Variants in SLC6A3 observed in about 807,000 individuals in gnomAD.
SLC6A3 encodes the protein solute carrier family 6 member 3.
SLC6A3 carries 19 observed loss-of-function variants against 70.4 expected under a neutral mutation model. The observed-to-expected ratio is 0.27, with a 90% CI of 0.19 to 0.40. The LOEUF (loss-of-function observed/expected upper bound fraction) is 0.40. Ranked by LOEUF, SLC6A3 falls within the 10% of genes least tolerant of loss-of-function variation. The pLI is 1.00. For synonymous variants in SLC6A3, 368 were observed against 356.6 expected, an observed-to-expected ratio of 1.03 and a Z score of -0.36; for missense variants, 613 against 838.5, an observed-to-expected ratio of 0.73 and a Z score of 3.32.
Position 1,438,111 on chromosome 5 carries a change from G to A in SLC6A3, c.418+3248C>T, listed in dbSNP as rs1399132719. 6.6e-6 allele frequency among the ~76,000 whole-genome samples: 1 copy of A among 152,202 alleles called. No homozygotes were observed. On this transcript the variant is annotated intron_variant, in intron 3 of 14. Coordinates refer to ENST00000270349, the MANE Select transcript of SLC6A3 (RefSeq NM_001044.5). This position sits in a 1 kb window ranked among gnomAD's most constrained non-coding sequence, Gnocchi z 6.5. ...GAGATTCAACAACTCAAGGTGTCTCGTCTCTAAAAAGAAGTCCAGCTTTCT... is the reference window on the plus strand; with the variant it reads ...GAGATTCAACAACTCAAGGTGTCTCATCTCTAAAAAGAAGTCCAGCTTTCT...
intron 8 of SLC6A3, among the ~76,000 whole-genome samples, chr5:1,414,018 C>T (rs558461416): frequency 4.5e-4 from 69 of 152,330 alleles, no homozygotes; most frequent in East Asian, 1.3e-3. Flanking sequence ...CAACTCCAGG[C>T]GTGCAGGGAC....
chr5:1,410,426 A>T (rs1325448484), intron 9 of SLC6A3, among the ~76,000 whole-genome samples: 2 of 152,114 alleles, frequency 1.3e-5, no homozygotes, highest in South Asian at 2.1e-4. Flanking sequence ...GGTGGATAGG[A>T]TATGAGTGGG....
intron 5 of SLC6A3, 144 bp from the exon 6 acceptor site, chr5:1,420,847 C>T: frequency 1.2e-6 from 1 of 827,378 alleles, no homozygotes; most frequent in South Asian, 1.4e-5. Context: ...GACGCCAGCT[C>T]AGCAAATGCT....
Position 1,413,107 on chromosome 5 carries a change from G to A in SLC6A3, c.1156+1584C>T, listed in dbSNP as rs1756166815. Among the ~76,000 whole-genome samples the A allele has an allele frequency of 6.6e-6, 1 of 152,228 alleles. No individual in the cohort carries two copies. Among genetic ancestry groups the A allele is most frequent in the Non-Finnish European group, 1.5e-5 (1 of 68,038 alleles). On this transcript the variant is annotated intron_variant, in intron 8 of 14. Transcript: ENST00000270349. This position sits in a 1 kb window ranked among gnomAD's most constrained non-coding sequence, Gnocchi z 7.1. ...ACATTTACTTTGCTTGTCATGAAATGCACAGAAGAACATTCAACTTTATTT... is the reference window on the plus strand; with the variant it reads ...ACATTTACTTTGCTTGTCATGAAATACACAGAAGAACATTCAACTTTATTT...
At chr5:1,441,284 G>A in intron 3 of SLC6A3, 75 bp downstream of exon 3, 1 of 1,587,912 alleles carries the variant, frequency 6.3e-7, no homozygotes, top group Non-Finnish European at 8.6e-7. Flanking sequence ...GATGCGGCTG[G>A]CTTGCTTTGA....
At chr5:1,443,486 G>C (rs1472698843) in intron 1 of SLC6A3, among the ~76,000 whole-genome samples, 1 of 152,156 alleles carries the variant, frequency 6.6e-6, no homozygotes, top group Non-Finnish European at 1.5e-5. Context: ...ACTCTGGTTT[G>C]CTCCTCCTTC....
chr5:1,445,125 C>A (rs950546324), intron 1 of SLC6A3, among the ~76,000 whole-genome samples: 7 of 152,214 alleles, frequency 4.6e-5, no homozygotes, highest in African/African-American at 1.7e-4. Context: ...GGGCCAGGGG[C>A]AGCCCTGCAC....
At chr5:1,417,235 C>T (rs1051391492) in intron 6 of SLC6A3, among the ~76,000 whole-genome samples, 2 of 151,454 alleles carry the variant, frequency 1.3e-5, no homozygotes, top group African/African-American at 2.4e-5. Context: ...TGCATGATGG[C>T]GGCACCCTGA....
At chr5:1,424,856 C>T (rs1436697628) in intron 4 of SLC6A3, among the ~76,000 whole-genome samples, 4 of 152,212 alleles carry the variant, frequency 2.6e-5, no homozygotes, top group Admixed American at 1.3e-4. Context: ...TTTAGAGAAC[C>T]GGACACTCCT....
rs28363082 is a variant in SLC6A3 at position 1,413,662 on chromosome 5, A to G, written c.1156+1029T>C. On this transcript the variant is annotated intron_variant, in intron 8 of 14. Transcript: ENST00000270349. This position sits in a 1 kb window ranked among gnomAD's most constrained non-coding sequence, Gnocchi z 7.1. ...GGGGACGCAGCATGGGAGCCCACCC[A>G]ACCCAGGCCCGTGTCTGGAGCGAAA... Among the ~76,000 whole-genome samples the G allele has an allele frequency of 1.9e-3, 296 of 152,152 alleles. No individual in the cohort carries two copies. The highest frequency in any genetic ancestry group is 0.01 in the East Asian group (54 of 5,172).
intron 6 of SLC6A3, among the ~76,000 whole-genome samples, chr5:1,419,319 G>GCATT (rs1553987015): frequency 6.9e-5 from 5 of 72,604 alleles, no homozygotes; most frequent in Non-Finnish European, 1.3e-4. Flanking sequence ...TACTTACCTA[G>GCATT]CATTCATCCA....
At position 1,416,113 on chromosome 5, in the gene SLC6A3, G is replaced by T. The variant is rs760873242; in HGVS notation, c.1016C>A (p.Thr339Asn). 6.2e-7 allele frequency: 1 copy of T among 1,613,862 alleles called. No homozygotes were observed. Among genetic ancestry groups the T allele is most frequent in the Non-Finnish European group, 8.5e-7 (1 of 1,179,812 alleles). ...LIAFSSYNKF[T>N]NNCYRDAIVT... Reference sequence around the variant, plus strand: ...AGGGGCTCACCTGTAGCAGTTGTTGGTGAACTTGTTGTAGCTGGAGAAGGC... The same window carrying T: ...AGGGGCTCACCTGTAGCAGTTGTTGTTGAACTTGTTGTAGCTGGAGAAGGC... The change falls in exon 7 of 15, where the codon ACC (threonine) becomes AAC (asparagine). Residue 339 changes from threonine (T) to asparagine (N), a missense_variant. Around this residue, in one of 4 missense-constraint regions of SLC6A3, gnomAD observed 348 missense variants for 481.2 expected, o/e 0.72. Coordinates refer to ENST00000270349, the MANE Select transcript of SLC6A3 (RefSeq NM_001044.5).
chr5:1,394,707 C>T lies in SLC6A3; in HGVS notation c.*28G>A, dbSNP rs754834024. On this transcript the variant is annotated 3_prime_UTR_variant, in exon 15 of 15. Transcript: ENST00000270349. This position sits in a 1 kb window ranked among gnomAD's most constrained non-coding sequence, Gnocchi z 4.7. ...TCGTGTCTCTCCCATTGCAGGATGA[C>T]TTCCTGGGGTCTTCGTCTCTGCTCC... 6.2e-7 allele frequency: 1 copy of T among 1,612,676 alleles called. No individual in the cohort carries two copies.
At chr5:1,420,825 A>G in intron 5 of SLC6A3, 122 bp from the exon 6 acceptor site, 1 of 1,045,090 alleles carries the variant, frequency 9.6e-7, no homozygotes, top group East Asian at 2.5e-5. Flanking sequence ...CCAATTCCCA[A>G]ACATTTCCTG....
intron 7 of SLC6A3, 28 bp downstream of exon 7, chr5:1,416,070 C>A: frequency 2.6e-6 from 4 of 1,532,612 alleles, no homozygotes; most frequent in Middle Eastern, 3.4e-4. Context: ...ATTGATGAGG[C>A]CCCTGCCTGG....
At chr5:1,441,040 C>T (rs1050519330) in intron 3 of SLC6A3, among the ~76,000 whole-genome samples, 2 of 152,188 alleles carry the variant, frequency 1.3e-5, no homozygotes, top group Non-Finnish European at 2.9e-5. Flanking sequence ...AGATGATTGA[C>T]GGATGGACCG....
chr5:1,400,192 C>A (rs888844858), intron 14 of SLC6A3, among the ~76,000 whole-genome samples: 2 of 152,262 alleles, frequency 1.3e-5, no homozygotes, highest in East Asian at 3.8e-4. Flanking sequence ...GACAGTGCCA[C>A]AGGCCCAGGG....
In SLC6A3 at chr5:1,443,118, T is replaced by C. The variant is rs777762592; in HGVS notation, c.80A>G (p.Lys27Arg). ...PAKEPNAVGP[K>R]EVELILVKEQ... ...CTTGACAAGGATGAGCTCCACCTCC[T>C]TCGGGCCCACGGCATTGGGCTCCTT... Residue 27 changes from lysine (K) to arginine (R), a missense_variant, in exon 2 of 15, where the codon AAG (lysine) becomes AGG (arginine). Around this residue, in one of 4 missense-constraint regions of SLC6A3, gnomAD observed 111 missense variants for 91.6 expected, o/e 1.21. Coordinates refer to ENST00000270349, the MANE Select transcript of SLC6A3 (RefSeq NM_001044.5). 4 of 1,614,228 alleles carry C rather than the reference T, an allele frequency of 2.5e-6. No individual in the cohort carries two copies. The South Asian group carries it at 3.3e-5, about 13-fold the overall frequency.
At chr5:1,432,177 A>T (rs1324799264) in intron 4 of SLC6A3, among the ~76,000 whole-genome samples, 17 of 152,046 alleles carry the variant, frequency 1.1e-4, no homozygotes, top group Admixed American at 1.1e-3. Context: ...TGTGTTCCCC[A>T]TCAGCCCCCT....
Sources: allele counts gnomAD v4.1 joint callset (sites outside exome capture counted in the v4.1 genomes callset), GRCh38; gene constraint gnomAD v4.1.1; regional missense constraint gnomAD v4.1.1; non-coding constraint Gnocchi (gnomAD v3.1); transcripts MANE v1.5; gene names NCBI Gene and HGNC (gene_info 2026-07-23, HGNC 2026-07-21).